GYS1: variants seen among roughly 807,000 people sequenced by gnomAD.
The protein encoded by GYS1 is glycogen [starch] synthase, muscle.
A neutral mutation model predicts 89.1 loss-of-function variants in GYS1; 60 were observed. That is an observed-to-expected ratio of 0.67 (90% confidence interval 0.55 to 0.84). GYS1 has a LOEUF of 0.84. Ranked by LOEUF, GYS1 falls within the 40% of genes least tolerant of loss-of-function variation. The pLI, the probability that GYS1 is intolerant of heterozygous loss-of-function variation, is 0.00. For synonymous variants in GYS1, 366 were observed against 401.7 expected (o/e 0.91, Z 1.06); for missense variants, 888 against 1,003.1 (o/e 0.89, Z 1.55).
intron 10 of GYS1, 41 bp from the exon 11 acceptor site, chr19:48,974,774 C>A: frequency 7.4e-7 from 1 of 1,353,148 alleles, no homozygotes; most frequent in Non-Finnish European, 1.1e-6. Context: ...ATGGAAGGGA[C>A]AGAGAACTCC....
At position 48,978,101 on chromosome 19, in the gene GYS1, AGTAAG is replaced by A. The variant is rs2038689254; in HGVS notation, c.1221_1225del (p.Leu408GlyfsTer13). 1 of 1,613,706 alleles carries A rather than the reference AGTAAG, an allele frequency of 6.2e-7. No homozygotes were observed. Among genetic ancestry groups the A allele is most frequent in the Non-Finnish European group, 8.5e-7 (1 of 1,179,704 alleles). On this transcript the variant is annotated frameshift_variant, in exon 9 of 16. Transcript: ENST00000323798. LOFTEE classifies it high-confidence loss of function. ...GGGCTGAGGGTGGGGCACTCACACC[AGTAAG>A]GATTCATAAAGCTTCCTCCCGAACT...
intron 11 of GYS1, 102 bp from the exon 12 acceptor site, chr19:48,974,441 C>T: frequency 7.4e-7 from 1 of 1,353,916 alleles, no homozygotes; most frequent in East Asian, 2.3e-5. Flanking sequence ...TAGCATCACA[C>T]AGCATGTGTT....
intron 12 of GYS1, among the ~76,000 whole-genome samples, 184 bp from the exon 13 acceptor site, chr19:48,971,207 G>A (rs1375780426): frequency 6.6e-6 from 1 of 152,228 alleles, no homozygotes; most frequent in African/African-American, 2.4e-5. Context: ...GACGCTAAGA[G>A]GCTCAGAAAA....
In GYS1 at chr19:48,973,165, T is replaced by C. The variant is rs569311478; in HGVS notation, c.1549+1048A>G. ...TCACGAGATCTCATGGTTTTATAAA[T>C]GTTCGTTTTTCCTGCACCCTCACAT... On this transcript the variant is annotated intron_variant, in intron 12 of 15. Transcript: ENST00000323798. Among the ~76,000 whole-genome samples the C allele has an allele frequency of 6.7e-4, 102 of 152,260 alleles. 1 individual carries two copies. The highest frequency in any genetic ancestry group is 2.4e-3 in the African/African-American group (100 of 41,548).
Position 48,982,732 on chromosome 19 carries a change from C to A in GYS1, c.929G>T (p.Gly310Val). The A allele has an allele frequency of 1.2e-6, 2 of 1,608,112 alleles. No individual in the cohort carries two copies. Among genetic ancestry groups the A allele is most frequent in the Non-Finnish European group, 1.7e-6 (2 of 1,174,566 alleles). ...SKARIQEFVR[G>V]HFYGHLDFNL... ...ATGCCCCACGTACCCATAAAAATGGCCCCGCACAAACTCCTGGATTCGAGC... is the reference window on the plus strand; with the variant it reads ...ATGCCCCACGTACCCATAAAAATGGACCCGCACAAACTCCTGGATTCGAGC... The change falls in exon 6 of 16, where the codon GGC becomes GTC. Residue 310 changes from glycine (G) to valine (V), a missense_variant. Gly to Val is a moderately radical substitution (Grantham distance 109, BLOSUM62 -3). Coordinates refer to ENST00000323798, the MANE Select transcript of GYS1 (RefSeq NM_002103.5).
chr19:48,982,277 G>A lies in GYS1; in HGVS notation c.1040C>T (p.Ala347Val), dbSNP rs750076582. Residue 347 changes from alanine (A) to valine (V), a missense_variant, in exon 7 of 16, where the codon GCT (alanine) becomes GTT (valine). By Grantham distance (64) the Ala-to-Val change is moderately conservative. Coordinates refer to ENST00000323798, the MANE Select transcript of GYS1 (RefSeq NM_002103.5). Reference sequence around the variant, plus strand: ...CACTCTGAGCAGATAGTTGAGCCGAGCCAATGCCTCCAGGAAGACGTCAGC... The same window carrying A: ...CACTCTGAGCAGATAGTTGAGCCGAACCAATGCCTCCAGGAAGACGTCAGC... Reference protein sequence around the residue: ...KGADVFLEALARLNYLLRVNG... With the variant: ...KGADVFLEALVRLNYLLRVNG... 6.2e-7 allele frequency: 1 copy of A among 1,613,878 alleles called. No individual in the cohort carries two copies. Among genetic ancestry groups the A allele is most frequent in the Non-Finnish European group, 8.5e-7 (1 of 1,179,884 alleles).
intron 5 of GYS1, 145 bp from the exon 6 acceptor site, chr19:48,982,982 T>TTTTG (rs530701535): frequency 1.6e-5 from 11 of 696,854 alleles, no homozygotes; most frequent in Admixed American, 4.4e-5. Flanking sequence ...CTCCCACCTT[T>TTTTG]TTTGTTTGTT....
Sources: allele counts gnomAD v4.1 joint callset (sites outside exome capture counted in the v4.1 genomes callset), GRCh38; gene constraint gnomAD v4.1.1; transcripts MANE v1.5; gene names NCBI Gene and HGNC (gene_info 2026-07-23, HGNC 2026-07-21).